SLC35A5: variants seen among roughly 807,000 people sequenced by gnomAD.
The protein encoded by SLC35A5 is solute carrier family 35 member A5, also known as UDP-sugar transporter protein SLC35A5.
SLC35A5 carries 28 observed loss-of-function variants against 36.3 expected under a neutral mutation model. The observed-to-expected ratio is 0.77, with a 90% CI of 0.57 to 1.06. SLC35A5 has a LOEUF of 1.06. Among genes scored for constraint, SLC35A5 ranks in the 50% least tolerant of loss-of-function variants. SLC35A5 has a pLI of 0.00. For synonymous variants in SLC35A5, 180 were observed against 173.7 expected, an observed-to-expected ratio of 1.04 and a Z score of -0.29; for missense variants, 521 against 499.3, an observed-to-expected ratio of 1.04 and a Z score of -0.41.
At chr3:112,580,404 C>G in intron 5 of SLC35A5, 142 bp from the exon 6 acceptor site, 1 of 894,466 alleles carries the variant, frequency 1.1e-6, no homozygotes, top group Non-Finnish European at 1.7e-6. Context: ...AACAGTTTTT[C>G]TCTGAACTTG....
At chr3:112,572,033 C>G (rs1372380020) in intron 4 of SLC35A5, among the ~76,000 whole-genome samples, 4 of 138,742 alleles carry the variant, frequency 2.9e-5, no homozygotes, top group Admixed American at 8.1e-5. Flanking sequence ...AGCTCCGCTT[C>G]CCGGGTTCAC....
chr3:112,562,294 A>G (rs1200110777), intron 1 of SLC35A5, 21 bp downstream of exon 1: 2 of 152,566 alleles, frequency 1.3e-5, no homozygotes, highest in African/African-American at 4.8e-5. Flanking sequence ...CCCGCGGGCA[A>G]GGAATTGCGC....
intron 2 of SLC35A5, among the ~76,000 whole-genome samples, chr3:112,567,528 C>T (rs1021178086): frequency 1.3e-5 from 2 of 152,178 alleles, no homozygotes; most frequent in African/African-American, 4.8e-5. Context: ...ATGTTGGCCA[C>T]TCCTGACCTC....
chr3:112,572,710 A>G (rs1330224240), intron 4 of SLC35A5, among the ~76,000 whole-genome samples: 1 of 152,244 alleles, frequency 6.6e-6, no homozygotes. Flanking sequence ...TATTGAAGGA[A>G]TTAAATAGAG....
At chr3:112,570,764 A>G in intron 4 of SLC35A5, 94 bp downstream of exon 4, 4 of 1,260,018 alleles carry the variant, frequency 3.2e-6, no homozygotes, top group Non-Finnish European at 4.3e-6. Flanking sequence ...TGGCATTGTT[A>G]GTTTCTCATT....
chr3:112,561,661 G>C (rs1439560930), upstream of SLC35A5: 5 of 893,180 alleles, frequency 5.6e-6, no homozygotes, highest in East Asian at 8.6e-5. Context: ...CGAGGGGACG[G>C]GACGCGACGC....
rs570636231 is a variant in SLC35A5 at position 112,584,521 on chromosome 3, G to A, written c.*1785G>A. Reference sequence around the variant, plus strand: ...CATGGAGATTGATTTTCTTATTTACGATTACTTTTTTTCCTCACCTTCCTC... The same window carrying A: ...CATGGAGATTGATTTTCTTATTTACAATTACTTTTTTTCCTCACCTTCCTC... On this transcript the variant is annotated 3_prime_UTR_variant, in exon 7 of 7. Transcript: ENST00000492406. 2 of 152,156 alleles carry A rather than the reference G, an allele frequency of 1.3e-5. No homozygotes were observed. Among genetic ancestry groups the A allele is most frequent in the Non-Finnish European group, 2.9e-5 (2 of 67,976 alleles). 9.4% of individuals were successfully genotyped at this position (152,156 alleles called of 1,614,324 possible). A position where few individuals can be genotyped will look rare whatever the true frequency, so the allele number is the denominator to read the frequency against.
At chr3:112,564,942 A>G (rs1467920890) in intron 2 of SLC35A5, among the ~76,000 whole-genome samples, 1 of 152,298 alleles carries the variant, frequency 6.6e-6, no homozygotes, top group African/African-American at 2.4e-5. Context: ...GCAGAACAAA[A>G]TGGAGTCTCC....
At position 112,569,270 on chromosome 3, in the gene SLC35A5, G is replaced by GT. The variant is rs1934330120; in HGVS notation, c.229+2dup. ...GTGTCATTCTGTGTTATAAAGAAAG[G>GT]TAAGTCTTGAAATGGTACTATATAC... On this transcript the variant is annotated splice_donor_variant, in intron 3 of 6. Coordinates refer to ENST00000492406, the MANE Select transcript of SLC35A5 (RefSeq NM_017945.5). LOFTEE classifies it high-confidence loss of function. 6 of 1,612,920 alleles carry GT rather than the reference G, an allele frequency of 3.7e-6. No individual in the cohort carries two copies. The highest frequency in any genetic ancestry group is 5.1e-6 in the Non-Finnish European group (6 of 1,179,236).
chr3:112,582,094 ATTTTC>A (rs961849520), intron 6 of SLC35A5, among the ~76,000 whole-genome samples: 1 of 152,138 alleles, frequency 6.6e-6, no homozygotes, highest in Non-Finnish European at 1.5e-5. Context: ...TAGATTTACA[ATTTTC>A]TTGAGCACAC....
At position 112,563,290 on chromosome 3, in the gene SLC35A5, T is replaced by A. The variant is rs547413968; in HGVS notation, c.-19-95T>A. On this transcript the variant is annotated intron_variant, in intron 1 of 6. Coordinates refer to ENST00000492406, the MANE Select transcript of SLC35A5 (RefSeq NM_017945.5). ...GGTGCTGATATAGTCATAGCCAAAATTTTTTAAAAATTCCTTTTTTGTCCT... is the reference window on the plus strand; with the variant it reads ...GGTGCTGATATAGTCATAGCCAAAAATTTTTAAAAATTCCTTTTTTGTCCT... 46 of 1,224,578 alleles carry A rather than the reference T, an allele frequency of 3.8e-5. No individual in the cohort carries two copies. The East Asian group carries it at 9.7e-4, about 26-fold the overall frequency. The allele number at this position is 1,224,578 out of a possible 1,614,324, so 75.9% of individuals were successfully genotyped here.
chr3:112,561,846 C>T, upstream of SLC35A5: 1 of 364,704 alleles, frequency 2.7e-6, no homozygotes, highest in Non-Finnish European at 5.0e-6. Context: ...GCACACGCAC[C>T]CCTCGCCCTC....
intron 1 of SLC35A5, 32 bp downstream of exon 1, chr3:112,562,305 C>T (rs1379855761): frequency 6.6e-6 from 1 of 152,556 alleles, no homozygotes; most frequent in Non-Finnish European, 1.5e-5. Context: ...GGAATTGCGC[C>T]TGCGTCTGAG....
chr3:112,577,084 T>A (rs1031635499), intron 5 of SLC35A5, among the ~76,000 whole-genome samples: 79 of 62,168 alleles, frequency 1.3e-3, no homozygotes, highest in Non-Finnish European at 3.4e-3. Context: ...TTAAAAAAAA[T>A]TTTTTAAGAA....
chr3:112,570,210 A>ATT (rs59841833), intron 3 of SLC35A5, among the ~76,000 whole-genome samples: 3,851 of 148,124 alleles, frequency 0.026, 143 homozygotes, highest in African/African-American at 0.085. Context: ...TGAAGCCTTG[A>ATT]TTTTTTTTTT....
Position 112,573,890 on chromosome 3 carries a change from C to T in SLC35A5, c.362C>T (p.Ala121Val), listed in dbSNP as rs891299935. ...VFYVLSYLQP[A>V]MAVIFSNFSI... ...ACTCTATCTTCTCTTTCTTTCTAGG[C>T]CATGGCTGTTATCTTCTCAAATTTT... The change falls in exon 5 of 7, where the codon GCC becomes GTC. Residue 121 changes from alanine to valine, a missense_variant and splice_region_variant. By Grantham distance (64) the Ala-to-Val change is moderately conservative. Transcript: ENST00000492406. 3.7e-6 allele frequency: 6 copies of T among 1,611,158 alleles called. No individual in the cohort carries two copies. The highest frequency in any genetic ancestry group is 5.1e-6 in the Non-Finnish European group (6 of 1,177,532).
rs528073110 is a variant in SLC35A5 at position 112,582,584 on chromosome 3, G to A, written c.1210-87G>A. ...TTATATCTATAGCTTAATGAGGTAA[G>A]ACCAGTGATTTGTTAGTAAGGTTTT... On this transcript the variant is annotated intron_variant, in intron 6 of 6. Coordinates refer to ENST00000492406, the MANE Select transcript of SLC35A5 (RefSeq NM_017945.5). 15 of 848,952 alleles carry A rather than the reference G, an allele frequency of 1.8e-5. No individual in the cohort carries two copies. The East Asian group carries it at 3.8e-4, about 21-fold the overall frequency. The allele number at this position is 848,952 out of a possible 1,614,324, so 52.6% of individuals were successfully genotyped here. A position where few individuals can be genotyped will look rare whatever the true frequency, so the allele number is the denominator to read the frequency against.
At chr3:112,569,095 A>G in intron 2 of SLC35A5, 76 bp from the exon 3 acceptor site, 1 of 1,168,926 alleles carries the variant, frequency 8.6e-7, no homozygotes, top group Non-Finnish European at 1.2e-6. Flanking sequence ...TAAATTTTAA[A>G]ACAATTATGT....
intron 5 of SLC35A5, among the ~76,000 whole-genome samples, chr3:112,577,779 C>CA (rs1934735158): frequency 6.6e-6 from 1 of 152,198 alleles, no homozygotes; most frequent in African/African-American, 2.4e-5. Flanking sequence ...AAGTGCCACT[C>CA]AGTAGTAGTA....
Sources: allele counts gnomAD v4.1 joint callset (sites outside exome capture counted in the v4.1 genomes callset), GRCh38; gene constraint gnomAD v4.1.1; transcripts MANE v1.5; gene names NCBI Gene and HGNC (gene_info 2026-07-23, HGNC 2026-07-21).